The following NELL2 variants were observed in gnomAD, a reference collection of about 807,000 sequenced individuals.
NELL2 encodes neural EGFL like 2.
In NELL2, 41 loss-of-function variants were observed where a neutral mutation model predicts 109.6. The observed-to-expected ratio is 0.37, with a 90% CI of 0.29 to 0.49. The LOEUF (loss-of-function observed/expected upper bound fraction) is 0.49, where lower values mean the gene tolerates loss of function less well. NELL2 is among the 20% of genes least tolerant of loss of function. The pLI, the probability that NELL2 is intolerant of heterozygous loss-of-function variation, is 0.98. For missense variants in NELL2, 900 were observed against 1,008.3 expected (o/e 0.89, Z 1.45); for synonymous variants, 355 against 344.7 (o/e 1.03, Z -0.33).
At chr12:44,920,052 T>C (rs1489807062) in intron 1 of NELL2, among the ~76,000 whole-genome samples, 1 of 151,930 alleles carries the variant, frequency 6.6e-6, no homozygotes, top group Admixed American at 6.6e-5. Context: ...GGTTAGAAAC[T>C]GGAGAGCTTT....
intron 12 of NELL2, among the ~76,000 whole-genome samples, chr12:44,668,262 C>A (rs1027096499): frequency 6.6e-6 from 1 of 152,128 alleles, no homozygotes; most frequent in African/African-American, 2.4e-5. Flanking sequence ...GAAGCCAAAG[C>A]GTACCCTCCC....
rs562915707 is a variant in NELL2 at position 44,579,208 on chromosome 12, A to C, written c.1663+27961T>G. On this transcript the variant is annotated intron_variant, in intron 15 of 19. Transcript: ENST00000429094. ...GGAGAGCATGCATCACTTTAGATTC[A>C]AACACATGGGCAACCAAGTCTACAT... Among the ~76,000 whole-genome samples the C allele has an allele frequency of 5.2e-3, 791 of 152,304 alleles. 7 individuals carry two copies. The highest frequency in any genetic ancestry group is 0.016 in the African/African-American group (680 of 41,574).
intron 2 of NELL2, among the ~76,000 whole-genome samples, chr12:44,857,035 G>C (rs1944704633): frequency 1.3e-5 from 2 of 152,158 alleles, no homozygotes; most frequent in South Asian, 4.1e-4. Context: ...TTATAATACA[G>C]TGTGGTGGGT....
chr12:44,539,658 T>C (rs1311881687), intron 15 of NELL2, among the ~76,000 whole-genome samples: 2 of 152,168 alleles, frequency 1.3e-5, no homozygotes, highest in Non-Finnish European at 2.9e-5. Context: ...ATAACCAAGA[T>C]ATAATGCATT....
chr12:44,710,987 AC>A (rs1317471669), intron 11 of NELL2, among the ~76,000 whole-genome samples: 1 of 152,144 alleles, frequency 6.6e-6, no homozygotes, highest in African/African-American at 2.4e-5. Context: ...TTGTTGTGTA[AC>A]TTTCTTTAGC....
intron 15 of NELL2, among the ~76,000 whole-genome samples, chr12:44,604,524 T>C (rs1945325509): frequency 6.6e-6 from 1 of 152,174 alleles, no homozygotes; most frequent in Admixed American, 6.5e-5. Flanking sequence ...CACTCATGTG[T>C]GCATTTATTT....
Position 44,702,475 on chromosome 12 carries a change from A to G in NELL2, c.1318+1251T>C, listed in dbSNP as rs993487490. ...AATCATATAAGTAAAATTCAAAACA[A>G]AGTATCACATGAATTTGTATCATGT... On this transcript the variant is annotated intron_variant, in intron 12 of 19. Transcript: ENST00000429094. Among the ~76,000 whole-genome samples, 5 of 152,200 alleles carry G rather than the reference A, an allele frequency of 3.3e-5. No homozygotes were observed. In the East Asian group the frequency reaches 9.6e-4, roughly 29 times the overall value.
chr12:44,748,148 T>C (rs1173460208), intron 9 of NELL2, among the ~76,000 whole-genome samples: 1 of 152,162 alleles, frequency 6.6e-6, no homozygotes, highest in Non-Finnish European at 1.5e-5. Flanking sequence ...GAAGTGACAT[T>C]AGCCTGTTTC....
chr12:44,521,483 TGGTG>T, intron 18 of NELL2, among the ~76,000 whole-genome samples: 1 of 146,408 alleles, frequency 6.8e-6, no homozygotes, highest in Non-Finnish European at 1.5e-5. Context: ...TGAGCCGAGA[TGGTG>T]CCACTGCACT....
chr12:44,600,447 T>C (rs925728543), intron 15 of NELL2, among the ~76,000 whole-genome samples: 6 of 152,298 alleles, frequency 3.9e-5, no homozygotes, highest in Admixed American at 3.9e-4. Flanking sequence ...ACAATTTCAG[T>C]ATAAATAAAA....
chr12:44,770,749 G>A (rs1227559380), intron 9 of NELL2, among the ~76,000 whole-genome samples: 1 of 152,072 alleles, frequency 6.6e-6, no homozygotes, highest in Non-Finnish European at 1.5e-5. Context: ...CACATTCCCT[G>A]TATTTGAGAA....
chr12:44,622,261 G>A (rs1009155910), intron 13 of NELL2, among the ~76,000 whole-genome samples: 1 of 152,090 alleles, frequency 6.6e-6, no homozygotes, highest in Admixed American at 6.6e-5. Context: ...AAATCATGAT[G>A]CTTAACTTCA....
intron 16 of NELL2, 142 bp from the exon 17 acceptor site, chr12:44,523,626 T>C: frequency 1.5e-6 from 1 of 657,430 alleles, no homozygotes; most frequent in Middle Eastern, 3.2e-4. Context: ...TGTGATTAAA[T>C]GTTGACTAAA....
At position 44,874,732 on chromosome 12, in the gene NELL2, T is replaced by C. The variant is rs920342339; in HGVS notation, c.184+493A>G. Among the ~76,000 whole-genome samples, 19 of 152,214 alleles carry C rather than the reference T, an allele frequency of 1.2e-4. 1 individual carries two copies. Among genetic ancestry groups the C allele is most frequent in the African/African-American group, 4.3e-4 (18 of 41,458 alleles). On this transcript the variant is annotated intron_variant, in intron 2 of 19. Transcript: ENST00000429094. Reference sequence around the variant, plus strand: ...TCAAAGATAAATTTTGCCTCAAATATACTGCGACTGTGATATGCAGTAAGT... The same window carrying C: ...TCAAAGATAAATTTTGCCTCAAATACACTGCGACTGTGATATGCAGTAAGT...
intron 15 of NELL2, among the ~76,000 whole-genome samples, chr12:44,537,602 A>G (rs1484805581): frequency 6.6e-6 from 1 of 152,158 alleles, no homozygotes; most frequent in Admixed American, 6.6e-5. Flanking sequence ...CATGCACTGT[A>G]GTTAAATTAT....
At chr12:44,886,084 T>TAAGGAAGGAAGGAAGGAAGG (rs60040149) in intron 1 of NELL2, among the ~76,000 whole-genome samples, 3 of 115,732 alleles carry the variant, frequency 2.6e-5, no homozygotes, top group Non-Finnish European at 5.4e-5. Flanking sequence ...ATCCATATAG[T>TAAGGAAGGAAGGAAGGAAGG]AAGGAAGGAA....
intron 12 of NELL2, among the ~76,000 whole-genome samples, chr12:44,675,931 G>A (rs1408553446): frequency 6.6e-6 from 1 of 152,098 alleles, no homozygotes; most frequent in Non-Finnish European, 1.5e-5. Context: ...GAGCACTCAG[G>A]CATGACACTC....
chr12:44,533,841 C>T (rs1942186451), intron 15 of NELL2, among the ~76,000 whole-genome samples: 1 of 151,940 alleles, frequency 6.6e-6, no homozygotes, highest in Non-Finnish European at 1.5e-5. Context: ...GGTGCTGAAC[C>T]ATTGTAGCTG....
chr12:44,565,663 G>A (rs1370451865), intron 15 of NELL2, among the ~76,000 whole-genome samples: 6 of 152,086 alleles, frequency 3.9e-5, no homozygotes, highest in Non-Finnish European at 7.4e-5. Context: ...CTGCCTTGAC[G>A]CTTACCAACT....
Sources: allele counts gnomAD v4.1 joint callset (sites outside exome capture counted in the v4.1 genomes callset), GRCh38; gene constraint gnomAD v4.1.1; transcripts MANE v1.5; gene names NCBI Gene and HGNC (gene_info 2026-07-23, HGNC 2026-07-21).